The following NRP1 variants were observed in gnomAD, a reference collection of about 807,000 sequenced individuals.
NRP1 encodes neuropilin 1.
Under a neutral mutation model 106.7 loss-of-function variants are expected in NRP1, and 35 were observed. The ratio of observed to expected loss-of-function variants is 0.33; its 90% CI spans 0.25 to 0.43. The LOEUF is 0.43. Ranked by LOEUF, NRP1 falls within the 20% of genes least tolerant of loss-of-function variation. The pLI, the probability that NRP1 is intolerant of heterozygous loss-of-function variation, is 1.00. For synonymous variants in NRP1, 437 were observed against 417.9 expected (o/e 1.05, Z -0.56); for missense variants, 1,024 against 1,170.4 (o/e 0.87, Z 1.83).
At position 33,199,367 on chromosome 10, in the gene NRP1, C is replaced by CTATATATATATATATATATATATA. The variant is rs1413431395; in HGVS notation, c.1865-1659_1865-1658insTATATATATATATATATATATATA. On this transcript the variant is annotated intron_variant, in intron 11 of 16. Coordinates refer to ENST00000374867, the MANE Select transcript of NRP1 (RefSeq NM_003873.7). ...GTGCGCCACCATGCCTGGCTGTTTTCTATATATATATATATATATATATTT... is the reference window on the plus strand; with the variant it reads ...GTGCGCCACCATGCCTGGCTGTTTTCTATATATATATATATATATATATATATATATATATATATATATATATTT... Among the ~76,000 whole-genome samples, 75 of 54,272 alleles carry CTATATATATATATATATATATATA rather than the reference C, an allele frequency of 1.4e-3. 9 individuals carry two copies. Among genetic ancestry groups the CTATATATATATATATATATATATA allele is most frequent in the East Asian group, 6.3e-3 (6 of 950 alleles). The allele number at this position is 54,272 out of a possible 152,430, so 35.6% of individuals were successfully genotyped here.
chr10:33,208,089 C>A (rs1445207352), intron 9 of NRP1, among the ~76,000 whole-genome samples: 1 of 152,118 alleles, frequency 6.6e-6, no homozygotes, highest in Non-Finnish European at 1.5e-5. Context: ...CCATGCCTAG[C>A]TAACTTTTGT....
intron 2 of NRP1, among the ~76,000 whole-genome samples, chr10:33,312,852 A>G (rs1846705045): frequency 6.6e-6 from 1 of 152,062 alleles, no homozygotes; most frequent in Non-Finnish European, 1.5e-5. Context: ...TTAATGAGCT[A>G]TGTTGAATAA....
intron 7 of NRP1, 36 bp downstream of exon 7, chr10:33,226,097 AG>A: frequency 6.2e-7 from 1 of 1,606,862 alleles, no homozygotes; most frequent in Admixed American, 1.7e-5. Flanking sequence ...TCCATTTAAA[AG>A]ACCAAATTGG....
intron 4 of NRP1, among the ~76,000 whole-genome samples, chr10:33,260,601 C>CA (rs1414173593): frequency 6.6e-6 from 1 of 152,136 alleles, no homozygotes; most frequent in East Asian, 1.9e-4. Context: ...TGTACCCGGG[C>CA]AATGATGCTG....
chr10:33,245,168 C>A (rs1406655886), intron 6 of NRP1, among the ~76,000 whole-genome samples: 1 of 152,098 alleles, frequency 6.6e-6, no homozygotes, highest in Non-Finnish European at 1.5e-5. Context: ...AGCCAAACAA[C>A]AATGAATTTT....
intron 3 of NRP1, among the ~76,000 whole-genome samples, chr10:33,265,951 C>T (rs1842889581): frequency 6.6e-6 from 1 of 152,108 alleles, no homozygotes; most frequent in Admixed American, 6.5e-5. Flanking sequence ...TATATACATA[C>T]ATGATATTGG....
intron 2 of NRP1, among the ~76,000 whole-genome samples, chr10:33,282,797 A>G (rs2804461): frequency 1 from 151,588 of 152,168 alleles, 75,506 homozygotes; most frequent in Middle Eastern, 1. Context: ...CCAGGGTGGA[A>G]TGCAGTGGCA....
chr10:33,270,508 G>C (rs1388395665), intron 3 of NRP1, among the ~76,000 whole-genome samples, 167 bp downstream of exon 3: 1 of 152,072 alleles, frequency 6.6e-6, no homozygotes, highest in Non-Finnish European at 1.5e-5. Context: ...TGTATTTTTA[G>C]TGGAGACTGG....
chr10:33,208,162 G>A (rs2891372), intron 9 of NRP1, among the ~76,000 whole-genome samples: 39,961 of 152,012 alleles, frequency 0.26, 5,784 homozygotes, highest in East Asian at 0.6. Context: ...AGGGTCTCAA[G>A]TGATCTGCTT....
chr10:33,267,676 G>A (rs1843014312), intron 3 of NRP1, among the ~76,000 whole-genome samples: 1 of 152,032 alleles, frequency 6.6e-6, no homozygotes, highest in Admixed American at 6.6e-5. Flanking sequence ...AGGGAAGGAT[G>A]GGAACAGAGA....
intron 6 of NRP1, among the ~76,000 whole-genome samples, chr10:33,236,955 C>T (rs1329708145): frequency 1.3e-5 from 2 of 152,078 alleles, no homozygotes; most frequent in Non-Finnish European, 2.9e-5. Flanking sequence ...TGAGACGTAG[C>T]GCAATTAAGA....
At chr10:33,263,951 C>A (rs541409780) in intron 3 of NRP1, 78 bp from the exon 4 acceptor site, 2 of 900,124 alleles carry the variant, frequency 2.2e-6, no homozygotes, top group Non-Finnish European at 3.6e-6. Context: ...TGGGTAAAGA[C>A]AGAACATCTT....
intron 15 of NRP1, 85 bp from the exon 16 acceptor site, chr10:33,182,833 G>GCGCGCACACACACACACA: frequency 1.3e-6 from 1 of 746,332 alleles, no homozygotes; most frequent in African/African-American, 1.8e-5. Flanking sequence ...TTAGGTACAT[G>GCGCGCACACACACACACA]CACACACACA....
At chr10:33,286,168 G>C (rs558163806) in intron 2 of NRP1, among the ~76,000 whole-genome samples, 15 of 152,126 alleles carry the variant, frequency 9.9e-5, no homozygotes, top group Non-Finnish European at 2.2e-4. Flanking sequence ...TCATTTATTA[G>C]ACTGACACCT....
rs572659970 is a variant in NRP1, at chr10:33,324,162, C to T, written c.248+6546G>A. 3.9e-5 allele frequency among the ~76,000 whole-genome samples: 6 copies of T among 152,234 alleles called. No homozygotes were observed. The South Asian group carries it at 6.2e-4, about 16-fold the overall frequency. On this transcript the variant is annotated intron_variant, in intron 2 of 16. Coordinates refer to ENST00000374867, the MANE Select transcript of NRP1 (RefSeq NM_003873.7). ...AAGAAAATTAATTTTATTAAACACA[C>T]GAGGCTCTGTTCAAATTAAATTTGG... is the stretch of plus-strand genomic sequence containing the variant.
chr10:33,206,415 T>C (rs2132735133), intron 10 of NRP1: 1 of 469,816 alleles, frequency 2.1e-6, no homozygotes, highest in Middle Eastern at 3.4e-4. Context: ...CGGTGAAGAA[T>C]AGGAGAAAAT....
At chr10:33,253,145 T>C (rs1841978404) in intron 6 of NRP1, among the ~76,000 whole-genome samples, 1 of 152,194 alleles carries the variant, frequency 6.6e-6, no homozygotes, top group Non-Finnish European at 1.5e-5. Flanking sequence ...GCCCACAGTT[T>C]AACCCACAGA....
Position 33,213,441 on chromosome 10 carries a change from C to T in NRP1, c.1559G>A (p.Ser520Asn). The T allele has an allele frequency of 6.2e-7, 1 of 1,614,060 alleles. No homozygotes were observed. Among genetic ancestry groups the T allele is most frequent in the Non-Finnish European group, 8.5e-7 (1 of 1,180,022 alleles). Residue 520 changes from serine to asparagine, a missense_variant, in exon 9 of 17, where the codon AGC (serine) becomes AAC (asparagine). Physicochemically the swap from Ser to Asn is conservative, Grantham distance 46. Around this residue, in one of 5 missense-constraint regions of NRP1, gnomAD observed 562 missense variants for 620.3 expected, o/e 0.91. Coordinates refer to ENST00000374867, the MANE Select transcript of NRP1 (RefSeq NM_003873.7). ...VFMRKFKIGYSNNGSDWKMIM... is the reference protein window; with the variant it reads ...VFMRKFKIGYNNNGSDWKMIM... Reference sequence around the variant, plus strand: ...CATCTTCCAGTCCGAGCCGTTGTTGCTGTACCCGATCTTGAACTTCCTCAT... The same window carrying T: ...CATCTTCCAGTCCGAGCCGTTGTTGTTGTACCCGATCTTGAACTTCCTCAT...
At chr10:33,227,803 G>A (rs1839791360) in intron 6 of NRP1, among the ~76,000 whole-genome samples, 1 of 152,112 alleles carries the variant, frequency 6.6e-6, no homozygotes, top group South Asian at 2.1e-4. Flanking sequence ...TAAGCAGCAA[G>A]CACTCCATGT....
Sources: allele counts gnomAD v4.1 joint callset (sites outside exome capture counted in the v4.1 genomes callset), GRCh38; gene constraint gnomAD v4.1.1; regional missense constraint gnomAD v4.1.1; transcripts MANE v1.5; gene names NCBI Gene and HGNC (gene_info 2026-07-23, HGNC 2026-07-21).